BCAS3: variants seen among roughly 807,000 people sequenced by gnomAD.
BCAS3 encodes BCAS3 microtubule associated cell migration factor.
A neutral mutation model predicts 116.1 loss-of-function variants in BCAS3; 53 were observed. That is an observed-to-expected ratio of 0.46 (90% CI 0.37 to 0.57). BCAS3 has a LOEUF of 0.57. Ranked by LOEUF, BCAS3 falls within the 20% of genes least tolerant of loss-of-function variation. BCAS3 has a pLI of 0.00. For missense variants in BCAS3, 917 were observed against 1,165.4 expected (o/e 0.79, Z 3.10); for synonymous variants, 391 against 408.2 (o/e 0.96, Z 0.51).
intron 6 of BCAS3, among the ~76,000 whole-genome samples, chr17:60,787,030 A>T (rs981168835): frequency 1.3e-5 from 2 of 152,176 alleles, no homozygotes; most frequent in African/African-American, 4.8e-5. Context: ...TTTATTTTGG[A>T]TAAAAAGGAA....
chr17:61,135,868 G>A (rs963254638), intron 22 of BCAS3: 1 of 152,362 alleles, frequency 6.6e-6, no homozygotes, highest in African/African-American at 2.4e-5. Context: ...GATACTTACT[G>A]TCGGGCTGGT....
intron 7 of BCAS3, among the ~76,000 whole-genome samples, chr17:60,811,691 G>A (rs2048840222): frequency 6.6e-6 from 1 of 152,158 alleles, no homozygotes; most frequent in Non-Finnish European, 1.5e-5. Context: ...TCTCAACAAG[G>A]AGTTAGAATT....
intron 4 of BCAS3, among the ~76,000 whole-genome samples, chr17:60,702,002 G>GTC (rs374830991): frequency 7.3e-5 from 11 of 151,134 alleles, no homozygotes; most frequent in Non-Finnish European, 1.3e-4. Context: ...AGAAAAGTAT[G>GTC]TCTCTCTCTC....
rs2053356210 is a variant in BCAS3 at position 61,300,674 on chromosome 17, G to T, written c.2426-67653G>T. 6.6e-6 allele frequency among the ~76,000 whole-genome samples: 1 copy of T among 152,204 alleles called. No individual in the cohort carries two copies. Among genetic ancestry groups the T allele is most frequent in the Admixed American group, 6.5e-5 (1 of 15,280 alleles). ...AAATGTACAAAATGTGGAACTCTCTGCATTAGCTGAAAATAGGGAAAAGAA... is the reference window on the plus strand; with the variant it reads ...AAATGTACAAAATGTGGAACTCTCTTCATTAGCTGAAAATAGGGAAAAGAA... On this transcript the variant is annotated intron_variant, in intron 22 of 23. Transcript: ENST00000407086. The surrounding 1 kb of genome is among the most constrained non-coding windows in gnomAD (Gnocchi z 5.1).
chr17:61,338,442 C>A (rs1246944133), intron 22 of BCAS3, among the ~76,000 whole-genome samples: 1 of 143,044 alleles, frequency 7.0e-6, no homozygotes, highest in Non-Finnish European at 1.5e-5. Flanking sequence ...GTTCTGTGAA[C>A]TTCTCTGCTT....
chr17:61,372,544 G>A (rs767437116), intron 23 of BCAS3, among the ~76,000 whole-genome samples: 7 of 151,834 alleles, frequency 4.6e-5, no homozygotes, highest in South Asian at 2.1e-4. Context: ...TCCTCTCTTC[G>A]GGCCCTTTCC....
Position 61,332,642 on chromosome 17 carries a change from G to A in BCAS3, c.2426-35685G>A, listed in dbSNP as rs959123633. ...ATTTTTTTTTATTTTTTGAGATAGA[G>A]TCTTGCTCTGTCACCCAGGCTGGAG... On this transcript the variant is annotated intron_variant, in intron 22 of 23. Transcript: ENST00000407086. This position sits in a 1 kb window ranked among gnomAD's most constrained non-coding sequence, Gnocchi z 5.4. Among the ~76,000 whole-genome samples the A allele has an allele frequency of 6.6e-6, 1 of 151,934 alleles. No homozygotes were observed. The highest frequency in any genetic ancestry group is 1.5e-5 in the Non-Finnish European group (1 of 68,012).
intron 5 of BCAS3, among the ~76,000 whole-genome samples, chr17:60,716,893 C>T (rs1051255614): frequency 7.2e-5 from 11 of 152,134 alleles, no homozygotes; most frequent in Admixed American, 2.6e-4. Flanking sequence ...TATTAATTGT[C>T]TATTACATGC....
Position 60,724,070 on chromosome 17 carries a change from G to A in BCAS3, c.321+14745G>A, listed in dbSNP as rs144178742. ...CTTTTGATGAAAAAAATCTGGTTCC[G>A]ATTTTTTATCTTTTACTCTATTATT... is the stretch of plus-strand genomic sequence containing the variant. On this transcript the variant is annotated intron_variant, in intron 5 of 23. Transcript: ENST00000407086. 7.1e-3 allele frequency among the ~76,000 whole-genome samples: 1,069 copies of A among 151,598 alleles called. 13 individuals are homozygous for A. Among genetic ancestry groups the A allele is most frequent in the African/African-American group, 0.024 (994 of 41,358 alleles).
At chr17:60,853,978 G>A (rs1250584513) in intron 7 of BCAS3, among the ~76,000 whole-genome samples, 3 of 151,852 alleles carry the variant, frequency 2.0e-5, no homozygotes, top group Non-Finnish European at 2.9e-5. Flanking sequence ...GTATACACAC[G>A]CCATGTTGGT....
rs67510415 is a variant in BCAS3, at chr17:60,799,708, CTT to C, written c.404-8270_404-8269del. 4.2e-3 allele frequency among the ~76,000 whole-genome samples: 207 copies of C among 49,816 alleles called. 1 individual carries two copies. Among genetic ancestry groups the C allele is most frequent in the East Asian group, 0.017 (19 of 1,098 alleles). 32.7% of individuals were successfully genotyped at this position (49,816 alleles called of 152,430 possible). A position where few individuals can be genotyped will look rare whatever the true frequency, so the allele number is the denominator to read the frequency against. ...TACGCCTGGCTAATTTTTTTCTTTT[CTT>C]TTTTTTTTTTTTTTTTTTTTTTTTT... is the stretch of plus-strand genomic sequence containing the variant. On this transcript the variant is annotated intron_variant, in intron 6 of 23. Coordinates refer to ENST00000407086, the MANE Select transcript of BCAS3 (RefSeq NM_017679.5).
chr17:60,810,783 CAAG>C, intron 7 of BCAS3: 1 of 659,124 alleles, frequency 1.5e-6, no homozygotes, highest in Non-Finnish European at 2.8e-6. Context: ...TCAAGGCTCT[CAAG>C]GAGGAGCTGC....
At chr17:61,237,446 TC>T (rs569787109) in intron 22 of BCAS3, among the ~76,000 whole-genome samples, 3 of 152,236 alleles carry the variant, frequency 2.0e-5, no homozygotes, top group South Asian at 2.1e-4. Context: ...AAGCTGGCCA[TC>T]CCCGCCAGCA....
At position 61,361,641 on chromosome 17, in the gene BCAS3, C is replaced by T. The variant is rs1420208391; in HGVS notation, c.2426-6686C>T. The T allele has an allele frequency of 6.6e-6, 1 of 152,092 alleles. No homozygotes were observed. Among genetic ancestry groups the T allele is most frequent in the East Asian group, 1.9e-4 (1 of 5,148 alleles). 9.4% of individuals were successfully genotyped at this position (152,092 alleles called of 1,614,324 possible). ...GAGCCAGGGTTCTCTAAGGAAACAA[C>T]TAATAAAAGAGATATCTCCAGAGAT... On this transcript the variant is annotated intron_variant, in intron 22 of 23. Transcript: ENST00000407086. This position sits in a 1 kb window ranked among gnomAD's most constrained non-coding sequence, Gnocchi z 6.5.
At position 61,392,371 on chromosome 17, in the gene BCAS3, C is replaced by G. The variant is rs1466708614; in HGVS notation, c.*246C>G. The G allele has an allele frequency of 4.6e-6, 2 of 439,220 alleles. No individual in the cohort carries two copies. Among genetic ancestry groups the G allele is most frequent in the African/African-American group, 2.0e-5 (1 of 49,654 alleles). The allele number at this position is 439,220 out of a possible 1,614,324, so 27.2% of individuals were successfully genotyped here. A position where few individuals can be genotyped will look rare whatever the true frequency, so the allele number is the denominator to read the frequency against. On this transcript the variant is annotated 3_prime_UTR_variant, in exon 24 of 24. Coordinates refer to ENST00000407086, the MANE Select transcript of BCAS3 (RefSeq NM_017679.5). The surrounding 1 kb of genome is among the most constrained non-coding windows in gnomAD (Gnocchi z 6.4). Reference sequence around the variant, plus strand: ...CCAGGAGAGACTGTAGAAGCTCGGTCCCTGTGTATGTTTGCATATGACATC... The same window carrying G: ...CCAGGAGAGACTGTAGAAGCTCGGTGCCTGTGTATGTTTGCATATGACATC...
chr17:61,271,424 A>ATTTTGTTTTTTTTTTTTTTTTTT (rs2050246036), intron 22 of BCAS3, among the ~76,000 whole-genome samples: 1 of 70,226 alleles, frequency 1.4e-5, no homozygotes, highest in African/African-American at 5.6e-5. Flanking sequence ...CCATGCCCGG[A>ATTTTGTTTTTTTTTTTTTTTTTT]TTTTTTTTTT....
rs574263810 is a variant in BCAS3 at position 61,324,410 on chromosome 17, A to G, written c.2426-43917A>G. Reference sequence around the variant, plus strand: ...ATCACTGTCAGGGCAGGGCAGGGAGAGGCTGCCCCGAGTATGTGTGGTAGT... The same window carrying G: ...ATCACTGTCAGGGCAGGGCAGGGAGGGGCTGCCCCGAGTATGTGTGGTAGT... On this transcript the variant is annotated intron_variant, in intron 22 of 23. Coordinates refer to ENST00000407086, the MANE Select transcript of BCAS3 (RefSeq NM_017679.5). This position sits in a 1 kb window ranked among gnomAD's most constrained non-coding sequence, Gnocchi z 4.6. 6.6e-6 allele frequency among the ~76,000 whole-genome samples: 1 copy of G among 152,318 alleles called. No homozygotes were observed. Among genetic ancestry groups the G allele is most frequent in the South Asian group, 2.1e-4 (1 of 4,820 alleles).
chr17:61,364,903 A>T lies in BCAS3; in HGVS notation c.2426-3424A>T, dbSNP rs2058645988. Among the ~76,000 whole-genome samples the T allele has an allele frequency of 1.3e-5, 2 of 151,976 alleles. No individual in the cohort carries two copies. Among genetic ancestry groups the T allele is most frequent in the Non-Finnish European group, 2.9e-5 (2 of 67,994 alleles). The stretch of plus-strand genomic sequence containing the variant: ...ATAAATGGGGGATAGTACCTCTACG[A>T]CCTCTCAGGATCATTATGATAGTCA... On this transcript the variant is annotated intron_variant, in intron 22 of 23. Coordinates refer to ENST00000407086, the MANE Select transcript of BCAS3 (RefSeq NM_017679.5). This position sits in a 1 kb window ranked among gnomAD's most constrained non-coding sequence, Gnocchi z 5.4.
Position 61,241,429 on chromosome 17 carries a change from T to G in BCAS3, c.2426-126898T>G, listed in dbSNP as rs1328123450. 6.6e-6 allele frequency among the ~76,000 whole-genome samples: 1 copy of G among 151,858 alleles called. No homozygotes were observed. On this transcript the variant is annotated intron_variant, in intron 22 of 23. Transcript: ENST00000407086. This position sits in a 1 kb window ranked among gnomAD's most constrained non-coding sequence, Gnocchi z 4.6. ...AAATAAGCTTAATAAAATAATAGTT[T>G]GGGCCTGCGCAGTGGCTCACCCCTG... is the stretch of plus-strand genomic sequence containing the variant.
Sources: allele counts gnomAD v4.1 joint callset (sites outside exome capture counted in the v4.1 genomes callset), GRCh38; gene constraint gnomAD v4.1.1; non-coding constraint Gnocchi (gnomAD v3.1); transcripts MANE v1.5; gene names NCBI Gene and HGNC (gene_info 2026-07-23, HGNC 2026-07-21).